Variants in PTH1R observed in about 807,000 individuals in gnomAD.
PTH1R encodes the protein parathyroid hormone 1 receptor.
Under a neutral mutation model 70.7 loss-of-function variants are expected in PTH1R, and 32 were observed. That is an observed-to-expected ratio of 0.45 (90% CI 0.34 to 0.61). The LOEUF is 0.61. PTH1R is among the 20% of genes least tolerant of loss of function. The pLI is 0.01. For synonymous variants in PTH1R, 329 were observed against 324.8 expected, an observed-to-expected ratio of 1.01 and a Z score of -0.14; for missense variants, 626 against 792.5, an observed-to-expected ratio of 0.79 and a Z score of 2.52.
At chr3:46,890,943 G>A (rs1279776325) in intron 3 of PTH1R, among the ~76,000 whole-genome samples, 2 of 152,190 alleles carry the variant, frequency 1.3e-5, no homozygotes, top group Admixed American at 1.3e-4. Flanking sequence ...GAAGAGGAGG[G>A]CACAGCTGGA....
chr3:46,892,114 C>T lies in PTH1R; in HGVS notation c.76-1793C>T, dbSNP rs555109629. On this transcript the variant is annotated intron_variant, in intron 3 of 15. Coordinates refer to ENST00000449590, the MANE Select transcript of PTH1R (RefSeq NM_000316.3). The surrounding 1 kb of genome is among the most constrained non-coding windows in gnomAD (Gnocchi z 5.2). Reference sequence around the variant, plus strand: ...CTACCTCTGCCCCAGCCAGCTCAGCCATAGCTGGGGAAGCAAAGAGACTAG... The same window carrying T: ...CTACCTCTGCCCCAGCCAGCTCAGCTATAGCTGGGGAAGCAAAGAGACTAG... Among the ~76,000 whole-genome samples, 2 of 152,224 alleles carry T rather than the reference C, an allele frequency of 1.3e-5. No homozygotes were observed. Among genetic ancestry groups the T allele is most frequent in the South Asian group, 4.2e-4 (2 of 4,814 alleles).
chr3:46,881,279 G>A (rs370215923), intron 2 of PTH1R, among the ~76,000 whole-genome samples, 161 bp downstream of exon 2: 3 of 152,160 alleles, frequency 2.0e-5, no homozygotes, highest in African/African-American at 4.8e-5. Context: ...GTAGGTTTGG[G>A]GTCGAAGGGC....
At chr3:46,895,936 C>T (rs1048561551) in intron 5 of PTH1R, 67 bp downstream of exon 5, 3 of 1,560,888 alleles carry the variant, frequency 1.9e-6, no homozygotes, top group African/African-American at 2.7e-5. Context: ...TTGCACTGTC[C>T]CTCTGATGTG....
chr3:46,900,681 G>A (rs886141712), intron 10 of PTH1R, among the ~76,000 whole-genome samples: 37 of 152,174 alleles, frequency 2.4e-4, no homozygotes, highest in African/African-American at 8.0e-4. Context: ...CCCCATGGGA[G>A]CTGCAAGTCC....
At chr3:46,897,638 G>T (rs2031828003) in intron 5 of PTH1R, among the ~76,000 whole-genome samples, 1 of 152,214 alleles carries the variant, frequency 6.6e-6, no homozygotes, top group African/African-American at 2.4e-5. Context: ...GGCTGAGGCA[G>T]GAGAATCGCT....
intron 5 of PTH1R, 123 bp from the exon 6 acceptor site, chr3:46,897,731 CA>C (rs1159697948): frequency 2.1e-6 from 2 of 956,134 alleles, no homozygotes; most frequent in Non-Finnish European, 3.2e-6. Flanking sequence ...AACTCCGTCT[CA>C]AAAAAACAAA....
At position 46,900,926 on chromosome 3, in the gene PTH1R, G is replaced by A. The variant is rs2032076495; in HGVS notation, c.989-99G>A. ...AAGTGCCCAGTGTCAGGGGTTCAGG[G>A]CAATGGTGGGGTAAGCTGGGGGTCA... On this transcript the variant is annotated intron_variant, in intron 10 of 15. Coordinates refer to ENST00000449590, the MANE Select transcript of PTH1R (RefSeq NM_000316.3). The A allele has an allele frequency of 4.5e-6, 6 of 1,342,192 alleles. 1 individual carries two copies. Among genetic ancestry groups the A allele is most frequent in the Middle Eastern group, 1.8e-4 (1 of 5,558 alleles). 83.1% of individuals were successfully genotyped at this position (1,342,192 alleles called of 1,614,324 possible). A position where few individuals can be genotyped will look rare whatever the true frequency, so the allele number is the denominator to read the frequency against.
Position 46,903,773 on chromosome 3 carries a change from G to GA in PTH1R, c.*127dup, listed in dbSNP as rs142021243. On this transcript the variant is annotated 3_prime_UTR_variant, in exon 16 of 16. Transcript: ENST00000449590. The surrounding 1 kb of genome is among the most constrained non-coding windows in gnomAD (Gnocchi z 4.4). ...CCAAGAGGAAAAACAGGGAAAAAAA[G>GA]AAAAAAAAAAGAAAAAGGAAAAGGA... is the stretch of plus-strand genomic sequence containing the variant. 0.22 allele frequency: 294,095 copies of GA among 1,320,414 alleles called. 15,876 individuals are homozygous for GA. The highest frequency in any genetic ancestry group is 0.24 in the Non-Finnish European group (233,792 of 981,454). The allele number at this position is 1,320,414 out of a possible 1,614,324, so 81.8% of individuals were successfully genotyped here. A position where few individuals can be genotyped will look rare whatever the true frequency, so the allele number is the denominator to read the frequency against.
Position 46,879,275 on chromosome 3 carries a change from C to G in PTH1R, c.-106+1432C>G, listed in dbSNP as rs567045504. 6.6e-6 allele frequency among the ~76,000 whole-genome samples: 1 copy of G among 152,340 alleles called. No individual in the cohort carries two copies. The highest frequency in any genetic ancestry group is 2.4e-5 in the African/African-American group (1 of 41,586). ...CCTCCCAAGTACAAGTAGTATGTTT[C>G]CAAATCTCAAGTTTTCCCTGGTGTC... On this transcript the variant is annotated intron_variant, in intron 1 of 15. Coordinates refer to ENST00000449590, the MANE Select transcript of PTH1R (RefSeq NM_000316.3). The surrounding 1 kb of genome is among the most constrained non-coding windows in gnomAD (Gnocchi z 4.7).
At position 46,892,235 on chromosome 3, in the gene PTH1R, G is replaced by A. The variant is rs909351110; in HGVS notation, c.76-1672G>A. The stretch of plus-strand genomic sequence containing the variant: ...AGCGGAGATCTCAGGGTCCACCTCA[G>A]CCCCCAGAGACACCAGAAGCACGGG... On this transcript the variant is annotated intron_variant, in intron 3 of 15. Transcript: ENST00000449590. This position sits in a 1 kb window ranked among gnomAD's most constrained non-coding sequence, Gnocchi z 5.2. Among the ~76,000 whole-genome samples the A allele has an allele frequency of 6.6e-6, 1 of 152,154 alleles. No individual in the cohort carries two copies. The highest frequency in any genetic ancestry group is 2.4e-5 in the African/African-American group (1 of 41,424).
At chr3:46,899,193 C>A (rs1481565511) in intron 9 of PTH1R, 110 bp from the exon 10 acceptor site, 4 of 1,461,026 alleles carry the variant, frequency 2.7e-6, no homozygotes, top group Non-Finnish European at 3.8e-6. Flanking sequence ...CCCTTCCTGG[C>A]CTGTTTGGCC....
chr3:46,888,552 G>C (rs1476680223), intron 3 of PTH1R, among the ~76,000 whole-genome samples: 1 of 152,194 alleles, frequency 6.6e-6, no homozygotes, highest in Non-Finnish European at 1.5e-5. Context: ...GGGTTTTGCA[G>C]ACCTCTGAAA....
In PTH1R at chr3:46,903,504, GC is replaced by G; in HGVS notation, c.1633del (p.Leu545TrpfsTer72). 1 of 1,613,908 alleles carries G rather than the reference GC, an allele frequency of 6.2e-7. No individual in the cohort carries two copies. The highest frequency in any genetic ancestry group is 8.5e-7 in the Non-Finnish European group (1 of 1,180,020). ...LPGHAKPGTP[A>X]LETLETTPPA... ...TGGCCATGCCAAGCCAGGGACCCCA[GC>G]CCTGGAGACCCTCGAGACCACACCA... On this transcript the variant is annotated frameshift_variant, in exon 16 of 16. Transcript: ENST00000449590. LOFTEE classifies it high-confidence loss of function. The surrounding 1 kb of genome is among the most constrained non-coding windows in gnomAD (Gnocchi z 4.4).
chr3:46,902,735 A>G lies in PTH1R; in HGVS notation c.1354-14A>G, dbSNP rs1209819991. On this transcript the variant is annotated splice_polypyrimidine_tract_variant and intron_variant, in intron 14 of 15. Coordinates refer to ENST00000449590, the MANE Select transcript of PTH1R (RefSeq NM_000316.3). The surrounding 1 kb of genome is among the most constrained non-coding windows in gnomAD (Gnocchi z 5.4). ...TCCGGGGGCAGGCCTGATTCGAGAC[A>G]CCCCTCTTCACAGGGATTTTTTGTC... 6.2e-7 allele frequency: 1 copy of G among 1,613,384 alleles called. No homozygotes were observed. Among genetic ancestry groups the G allele is most frequent in the Non-Finnish European group, 8.5e-7 (1 of 1,179,934 alleles).
intron 2 of PTH1R, among the ~76,000 whole-genome samples, chr3:46,881,611 G>C (rs2030571777): frequency 6.6e-6 from 1 of 152,232 alleles, no homozygotes; most frequent in African/African-American, 2.4e-5. Flanking sequence ...GCTGGGCAGG[G>C]AGGGAGCGGG....
Position 46,887,406 on chromosome 3 carries a change from G to A in PTH1R, c.75+3772G>A, listed in dbSNP as rs910496911. Reference sequence around the variant, plus strand: ...GAAGTTCAAGGCTGCAATGAGCTACGATCATGCCACTTCACTCCAGCCTGG... The same window carrying A: ...GAAGTTCAAGGCTGCAATGAGCTACAATCATGCCACTTCACTCCAGCCTGG... On this transcript the variant is annotated intron_variant, in intron 3 of 15. Coordinates refer to ENST00000449590, the MANE Select transcript of PTH1R (RefSeq NM_000316.3). Among the ~76,000 whole-genome samples, 21 of 145,068 alleles carry A rather than the reference G, an allele frequency of 1.4e-4. No individual in the cohort carries two copies. The East Asian group carries it at 4.0e-3, about 28-fold the overall frequency.
intron 3 of PTH1R, among the ~76,000 whole-genome samples, chr3:46,890,496 C>CCT (rs2031346759): frequency 1.4e-5 from 1 of 72,368 alleles, no homozygotes; most frequent in Non-Finnish European, 2.6e-5. Flanking sequence ...TTCACAGCAG[C>CCT]TTTTTTTTTT....
Position 46,884,871 on chromosome 3 carries a change from T to C in PTH1R, c.75+1237T>C, listed in dbSNP as rs1481737207. Among the ~76,000 whole-genome samples the C allele has an allele frequency of 6.6e-6, 1 of 152,116 alleles. No homozygotes were observed. The highest frequency in any genetic ancestry group is 1.5e-5 in the Non-Finnish European group (1 of 68,016). On this transcript the variant is annotated intron_variant, in intron 3 of 15. Transcript: ENST00000449590. This position sits in a 1 kb window ranked among gnomAD's most constrained non-coding sequence, Gnocchi z 4.8. ...GCCTGAGAATCCCATCATCAGAGGC[T>C]CTCCCTTCCTCTGAGGTCCTCAGCA...
chr3:46,888,690 C>G (rs930090847), intron 3 of PTH1R, among the ~76,000 whole-genome samples: 3 of 152,188 alleles, frequency 2.0e-5, no homozygotes, highest in Non-Finnish European at 4.4e-5. Context: ...GAGGTGAGAC[C>G]TAGTGGGATC....
Sources: allele counts gnomAD v4.1 joint callset (sites outside exome capture counted in the v4.1 genomes callset), GRCh38; gene constraint gnomAD v4.1.1; non-coding constraint Gnocchi (gnomAD v3.1); transcripts MANE v1.5; gene names NCBI Gene and HGNC (gene_info 2026-07-23, HGNC 2026-07-21).